Variants in MGMT observed in about 807,000 individuals in gnomAD.
MGMT encodes the protein O-6-methylguanine-DNA methyltransferase.
In MGMT, 14 loss-of-function variants were observed where a neutral mutation model predicts 15.9. The observed-to-expected ratio is 0.88, with a 90% confidence interval of 0.58 to 1.37. The LOEUF is 1.37. Ranked by LOEUF, MGMT falls within the 40% of genes most tolerant of loss-of-function variation. MGMT has a pLI of 0.00. For synonymous variants in MGMT, 130 were observed against 118.2 expected (o/e 1.10, Z -0.65); for missense variants, 282 against 268.1 (o/e 1.05, Z -0.36).
intron 2 of MGMT, among the ~76,000 whole-genome samples, chr10:129,697,705 G>A (rs1848048119): frequency 6.6e-6 from 1 of 152,178 alleles, no homozygotes; most frequent in Non-Finnish European, 1.5e-5. Flanking sequence ...GCCATATTGT[G>A]TAATGGAGAT....
At chr10:129,646,754 A>ATTTTTTTTTTTTTTTTTTTT (rs1554873525) in intron 2 of MGMT, among the ~76,000 whole-genome samples, 5 of 86,658 alleles carry the variant, frequency 5.8e-5, no homozygotes, top group Non-Finnish European at 7.7e-5. Flanking sequence ...ATATATATAT[A>ATTTTTTTTTTTTTTTTTTTT]TTTTCAGGGA....
chr10:129,679,531 GA>G (rs1158240194), intron 2 of MGMT, among the ~76,000 whole-genome samples: 1 of 152,194 alleles, frequency 6.6e-6, no homozygotes, highest in Admixed American at 6.5e-5. Context: ...ATGTAATTAA[GA>G]ATATTAGTAC....
chr10:129,525,828 G>A (rs2119736533), intron 1 of MGMT, among the ~76,000 whole-genome samples: 1 of 152,184 alleles, frequency 6.6e-6, no homozygotes, highest in Middle Eastern at 3.4e-3. Context: ...CGTGTAGCCG[G>A]GTTCACAGAA....
At chr10:129,500,120 A>C (rs1034972337) in intron 1 of MGMT, among the ~76,000 whole-genome samples, 7 of 152,356 alleles carry the variant, frequency 4.6e-5, no homozygotes, top group Non-Finnish European at 1.0e-4. Context: ...GACTCACATT[A>C]TAAATCTTGG....
chr10:129,617,029 C>T (rs1006680150), intron 2 of MGMT, among the ~76,000 whole-genome samples: 1 of 152,116 alleles, frequency 6.6e-6, no homozygotes, highest in Non-Finnish European at 1.5e-5. Flanking sequence ...GGTAACTTGC[C>T]TATCACAGGG....
chr10:129,552,427 G>T (rs545808776), intron 2 of MGMT, among the ~76,000 whole-genome samples: 1 of 152,250 alleles, frequency 6.6e-6, no homozygotes, highest in Non-Finnish European at 1.5e-5. Flanking sequence ...GTCAGTGACA[G>T]TGGAAATTGC....
At position 129,646,719 on chromosome 10, in the gene MGMT, A is replaced by AATATATATATATATATATATAT. The variant is rs10543851; in HGVS notation, c.126-61161_126-61140dup. On this transcript the variant is annotated intron_variant, in intron 2 of 4. Coordinates refer to ENST00000651593, the MANE Select transcript of MGMT (RefSeq NM_002412.5). ...TTCCAGAAGCCTGCTGCCCATCAGAAATATATATATATATATATATATATA... is the reference window on the plus strand; with the variant it reads ...TTCCAGAAGCCTGCTGCCCATCAGAAATATATATATATATATATATATATATATATATATATATATATATATA... Among the ~76,000 whole-genome samples, 71 of 81,634 alleles carry AATATATATATATATATATATAT rather than the reference A, an allele frequency of 8.7e-4. 1 individual carries two copies. The highest frequency in any genetic ancestry group is 1.3e-3 in the African/African-American group (27 of 21,078). 53.6% of individuals were successfully genotyped at this position (81,634 alleles called of 152,430 possible).
intron 1 of MGMT, among the ~76,000 whole-genome samples, chr10:129,479,795 G>A (rs1845336723): frequency 6.6e-6 from 1 of 151,844 alleles, no homozygotes; most frequent in Admixed American, 6.6e-5. Context: ...TTGGGGTGGG[G>A]GTGGAGTGGT....
chr10:129,727,613 G>A (rs1413649419), intron 3 of MGMT, among the ~76,000 whole-genome samples: 1 of 152,310 alleles, frequency 6.6e-6, no homozygotes, highest in East Asian at 1.9e-4. Context: ...GCTGGTCCTT[G>A]TCCTTTCCTC....
chr10:129,746,850 T>C (rs1848701554), intron 3 of MGMT, among the ~76,000 whole-genome samples: 1 of 152,170 alleles, frequency 6.6e-6, no homozygotes, highest in African/African-American at 2.4e-5. Context: ...AATTTTAGAG[T>C]CAACATGTCT....
intron 2 of MGMT, among the ~76,000 whole-genome samples, chr10:129,551,522 G>A (rs533980980): frequency 5.3e-5 from 8 of 152,202 alleles, no homozygotes; most frequent in South Asian, 2.1e-4. Context: ...AGCTGCCCCC[G>A]GGAGCCCTCA....
chr10:129,760,692 A>G (rs931645496), intron 4 of MGMT, among the ~76,000 whole-genome samples: 3 of 152,068 alleles, frequency 2.0e-5, no homozygotes, highest in Admixed American at 6.5e-5. Flanking sequence ...TTAAAAAGCA[A>G]CTCTGGTAGG....
At position 129,770,696 on chromosome 10, in the gene MGMT, A is replaced by C. The variant is rs1259758886; in HGVS notation, c.*3699A>C. On this transcript the variant is annotated 3_prime_UTR_variant, in exon 5 of 5. Coordinates refer to ENST00000651593, the MANE Select transcript of MGMT (RefSeq NM_002412.5). The stretch of plus-strand genomic sequence containing the variant: ...AGTGAGAGATAAATTGGCTTCATGT[A>C]TGAGCAAGGGGGAAAGTGTTTTATT... Among the ~76,000 whole-genome samples, 1 of 152,260 alleles carries C rather than the reference A, an allele frequency of 6.6e-6. No homozygotes were observed. Among genetic ancestry groups the C allele is most frequent in the African/African-American group, 2.4e-5 (1 of 41,470 alleles).
At chr10:129,591,529 A>T (rs1482943503) in intron 2 of MGMT, among the ~76,000 whole-genome samples, 3 of 152,150 alleles carry the variant, frequency 2.0e-5, no homozygotes, top group Admixed American at 2.0e-4. Flanking sequence ...ATGCTGGGGG[A>T]GGCTGCTCTA....
chr10:129,687,943 T>TGC (rs2133125489), intron 2 of MGMT, among the ~76,000 whole-genome samples: 2 of 150,240 alleles, frequency 1.3e-5, no homozygotes, highest in East Asian at 4.1e-4. Flanking sequence ...TGAGAACACA[T>TGC]GGTGTTTGGT....
At chr10:129,661,635 ATATTT>A (rs1272837340) in intron 2 of MGMT, among the ~76,000 whole-genome samples, 2 of 152,112 alleles carry the variant, frequency 1.3e-5, no homozygotes, top group African/African-American at 4.8e-5. Flanking sequence ...CAAGTTATAC[ATATTT>A]TATTCTAGTC....
At chr10:129,745,268 T>C (rs1848680669) in intron 3 of MGMT, among the ~76,000 whole-genome samples, 1 of 152,210 alleles carries the variant, frequency 6.6e-6, no homozygotes, top group Non-Finnish European at 1.5e-5. Flanking sequence ...GTAGTGAAAT[T>C]GGCTTTTTGT....
intron 2 of MGMT, among the ~76,000 whole-genome samples, chr10:129,638,428 G>GAAAAAAA (rs1847286251): frequency 2.4e-5 from 1 of 41,106 alleles, no homozygotes; most frequent in South Asian, 5.6e-4. Flanking sequence ...GACCAAAGAG[G>GAAAAAAA]CAAAAAAAAA....
intron 4 of MGMT, among the ~76,000 whole-genome samples, chr10:129,765,284 T>TC (rs1310216140): frequency 2.0e-5 from 3 of 152,154 alleles, no homozygotes; most frequent in African/African-American, 7.2e-5. Flanking sequence ...GTGCAAGACT[T>TC]CCCCACATGC....
Sources: gnomAD v4.1 joint callset for allele counts (sites outside exome capture counted in the v4.1 genomes callset) on GRCh38, gnomAD v4.1.1 for gene constraint, MANE v1.5 for transcripts, NCBI Gene and HGNC (gene_info 2026-07-23, HGNC 2026-07-21) for gene names.